The following SPRED1 variants were observed in gnomAD, a reference collection of about 807,000 sequenced individuals.
SPRED1 encodes sprouty-related, EVH1 domain-containing protein 1.
Under a neutral mutation model 52.3 loss-of-function variants are expected in SPRED1, and 18 were observed. The ratio of observed to expected loss-of-function variants is 0.34; its 90% CI spans 0.24 to 0.51. The LOEUF is 0.51. Ranked by LOEUF, SPRED1 falls within the 20% of genes least tolerant of loss-of-function variation. SPRED1 has a pLI of 0.97. For synonymous variants in SPRED1, 155 were observed against 179.7 expected (o/e 0.86, Z 1.10); for missense variants, 485 against 551.0 (o/e 0.88, Z 1.20).
chr15:38,328,579 A>T (rs1319980779), intron 4 of SPRED1, among the ~76,000 whole-genome samples: 1 of 152,212 alleles, frequency 6.6e-6, no homozygotes, highest in Non-Finnish European at 1.5e-5. Flanking sequence ...CTAATCACAT[A>T]CATAGTTGGC....
At chr15:38,344,793 A>C (rs926057624) in intron 5 of SPRED1, among the ~76,000 whole-genome samples, 9 of 152,220 alleles carry the variant, frequency 5.9e-5, no homozygotes, top group Admixed American at 4.6e-4. Context: ...ACTCGTAAGT[A>C]ATTCCTTGTA....
rs543643076 is a variant in SPRED1, at chr15:38,279,485, T to G, written c.33-19888T>G. 1.5e-4 allele frequency among the ~76,000 whole-genome samples: 23 copies of G among 152,312 alleles called. No individual in the cohort carries two copies. The South Asian group carries it at 4.3e-3, about 29-fold the overall frequency. On this transcript the variant is annotated intron_variant, in intron 1 of 6. Transcript: ENST00000299084. ...TTAGCATCTCAATCAAAAGAGGATG[T>G]GTGTATGTGGTTTTGTGCCAAACAG...
intron 4 of SPRED1, among the ~76,000 whole-genome samples, chr15:38,334,969 C>G (rs1045685889): frequency 2.6e-5 from 4 of 151,852 alleles, no homozygotes; most frequent in Non-Finnish European, 5.9e-5. Flanking sequence ...TCTCCAAACC[C>G]TTGCCAACAT....
chr15:38,307,562 A>G (rs917139905), intron 2 of SPRED1, among the ~76,000 whole-genome samples: 2 of 152,082 alleles, frequency 1.3e-5, no homozygotes, highest in South Asian at 2.1e-4. Flanking sequence ...CCCTGGCTCT[A>G]TTTCCAAATG....
At chr15:38,259,688 A>G (rs1302330925) in intron 1 of SPRED1, among the ~76,000 whole-genome samples, 1 of 131,340 alleles carries the variant, frequency 7.6e-6, no homozygotes, top group African/African-American at 2.7e-5. Flanking sequence ...TTACTTACAG[A>G]AGTAAGTTTT....
intron 1 of SPRED1, among the ~76,000 whole-genome samples, chr15:38,265,771 C>G (rs1020125764): frequency 1.3e-5 from 2 of 152,060 alleles, no homozygotes; most frequent in African/African-American, 4.8e-5. Flanking sequence ...AAACATCTTA[C>G]AGTTCAATCC....
intron 2 of SPRED1, 71 bp downstream of exon 2, chr15:38,299,618 C>G: frequency 6.8e-7 from 1 of 1,467,448 alleles, no homozygotes; most frequent in Non-Finnish European, 9.4e-7. Context: ...GATTAGTATA[C>G]TGTTGTGAGT....
At position 38,289,406 on chromosome 15, in the gene SPRED1, T is replaced by TA. The variant is rs1206601175; in HGVS notation, c.33-9966dup. ...ATTTTTGGAGTTACTTTTAAGGAAG[T>TA]ACCTTTTTTTTTTTTCCTGTTATAT... On this transcript the variant is annotated intron_variant, in intron 1 of 6. Transcript: ENST00000299084. Among the ~76,000 whole-genome samples, 5 of 145,658 alleles carry TA rather than the reference T, an allele frequency of 3.4e-5. No individual in the cohort carries two copies. In the South Asian group the frequency reaches 1.1e-3, roughly 32 times the overall value.
intron 4 of SPRED1, among the ~76,000 whole-genome samples, chr15:38,336,466 T>C (rs976146680): frequency 6.9e-6 from 1 of 145,496 alleles, no homozygotes; most frequent in African/African-American, 2.5e-5. Flanking sequence ...TATATAATAT[T>C]TTATATATAT....
intron 4 of SPRED1, 119 bp from the exon 5 acceptor site, chr15:38,339,618 G>T (rs946857479): frequency 4.1e-6 from 4 of 973,630 alleles, no homozygotes; most frequent in Non-Finnish European, 4.9e-6. Context: ...TATTCATAGC[G>T]ATGGTAGCGA....
At chr15:38,281,559 ATTTTTTT>A (rs542005244) in intron 1 of SPRED1, among the ~76,000 whole-genome samples, 10 of 100,742 alleles carry the variant, frequency 9.9e-5, no homozygotes, top group South Asian at 7.3e-4. Context: ...TGCCCATCTA[ATTTTTTT>A]TTTTTTTTTT....
At chr15:38,301,980 G>A (rs945116682) in intron 2 of SPRED1, among the ~76,000 whole-genome samples, 2 of 151,854 alleles carry the variant, frequency 1.3e-5, no homozygotes, top group Admixed American at 1.3e-4. Flanking sequence ...TGAATAAACA[G>A]TGCACTTTAG....
At chr15:38,304,333 C>T (rs562558154) in intron 2 of SPRED1, among the ~76,000 whole-genome samples, 17 of 152,288 alleles carry the variant, frequency 1.1e-4, no homozygotes, top group African/African-American at 4.1e-4. Context: ...AAGTGGTCCT[C>T]CACTAAAAAC....
intron 2 of SPRED1, among the ~76,000 whole-genome samples, chr15:38,300,329 T>C (rs1454264484): frequency 6.6e-6 from 1 of 152,186 alleles, no homozygotes; most frequent in African/African-American, 2.4e-5. Context: ...AAGAAGAGCA[T>C]ACACTTAGAC....
At chr15:38,294,852 T>C (rs1895000375) in intron 1 of SPRED1, among the ~76,000 whole-genome samples, 1 of 152,176 alleles carries the variant, frequency 6.6e-6, no homozygotes, top group Non-Finnish European at 1.5e-5. Context: ...CTATGTACTA[T>C]CTCCCCTGAA....
intron 2 of SPRED1, among the ~76,000 whole-genome samples, chr15:38,320,735 T>C (rs1895584793): frequency 6.6e-6 from 1 of 152,226 alleles, no homozygotes; most frequent in East Asian, 1.9e-4. Context: ...CTTTTCCTCC[T>C]GTTTTCTTAT....
intron 5 of SPRED1, among the ~76,000 whole-genome samples, chr15:38,344,864 G>T (rs1896099914): frequency 6.6e-6 from 1 of 152,142 alleles, no homozygotes; most frequent in African/African-American, 2.4e-5. Flanking sequence ...TATATTATAT[G>T]AATTGCATAA....
At chr15:38,335,246 C>T (rs8026359) in intron 4 of SPRED1, among the ~76,000 whole-genome samples, 125,147 of 151,980 alleles carry the variant, frequency 0.82, 52,333 homozygotes, top group Non-Finnish European at 0.9. Flanking sequence ...CTCTCCAGTA[C>T]GTGCCCAGTC....
At chr15:38,315,491 C>T (rs990310842) in intron 2 of SPRED1, among the ~76,000 whole-genome samples, 1 of 151,900 alleles carries the variant, frequency 6.6e-6, no homozygotes, top group African/African-American at 2.4e-5. Flanking sequence ...AGTTATTTTA[C>T]GATGGGAGTT....
Sources: allele counts gnomAD v4.1 joint callset (sites outside exome capture counted in the v4.1 genomes callset), GRCh38; gene constraint gnomAD v4.1.1; transcripts MANE v1.5; gene names NCBI Gene and HGNC (gene_info 2026-07-23, HGNC 2026-07-21).